The following WWP1 variants were observed in gnomAD, a reference collection of about 807,000 sequenced individuals.
The protein encoded by WWP1 is WW domain containing E3 ubiquitin protein ligase 1, also known as NEDD4-like E3 ubiquitin-protein ligase WWP1.
Under a neutral mutation model 130.6 loss-of-function variants are expected in WWP1, and 49 were observed. The observed-to-expected ratio is 0.38, with a 90% CI of 0.30 to 0.48. The LOEUF (loss-of-function observed/expected upper bound fraction) is 0.48. Among genes scored for constraint, WWP1 ranks in the 20% least tolerant of loss-of-function variants. The pLI, the probability that WWP1 is intolerant of heterozygous loss-of-function variation, is 0.99. For synonymous variants in WWP1, 332 were observed against 367.8 expected, an observed-to-expected ratio of 0.90 and a Z score of 1.11; for missense variants, 809 against 1,100.6, an observed-to-expected ratio of 0.74 and a Z score of 3.75.
At chr8:86,453,652 T>C (rs748037492) in intron 21 of WWP1, among the ~76,000 whole-genome samples, 1 of 152,182 alleles carries the variant, frequency 6.6e-6, no homozygotes, top group Non-Finnish European at 1.5e-5. Context: ...TACATTCCTA[T>C]TAAACATGTA....
intron 24 of WWP1, among the ~76,000 whole-genome samples, chr8:86,464,157 A>G (rs550381396): frequency 3.9e-5 from 6 of 152,318 alleles, no homozygotes; most frequent in African/African-American, 1.4e-4. Context: ...TTTCAAACCC[A>G]TATTGTGCAT....
At position 86,427,691 on chromosome 8, in the gene WWP1, T is replaced by C; in HGVS notation, c.1206T>C (p.His402=). 3 of 1,613,832 alleles carry C rather than the reference T, an allele frequency of 1.9e-6. No homozygotes were observed. Among genetic ancestry groups the C allele is most frequent in the Non-Finnish European group, 2.5e-6 (3 of 1,179,844 alleles). Residue 402 remains histidine, a synonymous_variant, in exon 11 of 25, where the codon CAT becomes CAC. Coordinates refer to ENST00000517970, the MANE Select transcript of WWP1 (RefSeq NM_007013.4). ...DDRRRVYYVD[H]NTRTTTWQRP... is the part of the protein sequence containing the mutation. ...GTAGAAGAGTTTATTATGTGGATCA[T>C]AACACCAGAACAACAACGTGGCAGC...
At chr8:86,363,321 A>AGCTGGTCT (rs1420239699) in intron 1 of WWP1, among the ~76,000 whole-genome samples, 2 of 152,158 alleles carry the variant, frequency 1.3e-5, no homozygotes, top group African/African-American at 4.8e-5. Flanking sequence ...TTTTAGGGAA[A>AGCTGGTCT]GCTGGTCTGC....
chr8:86,399,851 CTT>C (rs1310787152), intron 7 of WWP1, among the ~76,000 whole-genome samples: 2 of 152,150 alleles, frequency 1.3e-5, no homozygotes, highest in East Asian at 3.8e-4. Flanking sequence ...TCATTTCAGT[CTT>C]TACCTGCCCA....
At chr8:86,394,729 T>C (rs758142464) in intron 5 of WWP1, among the ~76,000 whole-genome samples, 3 of 152,142 alleles carry the variant, frequency 2.0e-5, no homozygotes, top group Non-Finnish European at 4.4e-5. Flanking sequence ...CACACACATA[T>C]ACAAACACAT....
At chr8:86,464,664 C>T (rs1030394261) in intron 24 of WWP1, among the ~76,000 whole-genome samples, 5 of 152,098 alleles carry the variant, frequency 3.3e-5, no homozygotes, top group South Asian at 2.1e-4. Flanking sequence ...CACCAGTGCA[C>T]GCCACTATGC....
Position 86,422,950 on chromosome 8 carries a change from C to T in WWP1, c.1062-2273C>T, listed in dbSNP as rs1431203462. 2.0e-5 allele frequency among the ~76,000 whole-genome samples: 3 copies of T among 151,888 alleles called. No homozygotes were observed. The East Asian group carries it at 5.8e-4, about 29-fold the overall frequency. On this transcript the variant is annotated intron_variant, in intron 9 of 24. Coordinates refer to ENST00000517970, the MANE Select transcript of WWP1 (RefSeq NM_007013.4). ...AGTATCACCACATATTTCTTTAAGG[C>T]GATTTCTGCTAAAAATCTTTTAGAT...
chr8:86,451,417 A>G (rs887729044), intron 20 of WWP1, among the ~76,000 whole-genome samples: 1 of 151,980 alleles, frequency 6.6e-6, no homozygotes, highest in Non-Finnish European at 1.5e-5. Flanking sequence ...AATTTGGTTG[A>G]ATAGAAGGTG....
intron 5 of WWP1, among the ~76,000 whole-genome samples, chr8:86,396,192 G>A (rs1358014161): frequency 6.6e-6 from 1 of 151,618 alleles, no homozygotes; most frequent in African/African-American, 2.4e-5. Context: ...TCCACCTCCC[G>A]AATTCAAGCA....
intron 24 of WWP1, among the ~76,000 whole-genome samples, chr8:86,465,488 T>C (rs1586532097): frequency 6.6e-6 from 1 of 151,326 alleles, no homozygotes; most frequent in Non-Finnish European, 1.5e-5. Context: ...TAGCTGGCCA[T>C]GGTGGCATGC....
intron 8 of WWP1, among the ~76,000 whole-genome samples, chr8:86,410,749 T>G (rs1808537654): frequency 6.6e-6 from 1 of 151,974 alleles, no homozygotes; most frequent in South Asian, 2.1e-4. Flanking sequence ...TAAGCTCTTT[T>G]GTTACCATTC....
chr8:86,450,566 A>G (rs1330558858), intron 20 of WWP1, among the ~76,000 whole-genome samples: 1 of 152,222 alleles, frequency 6.6e-6, no homozygotes, highest in Non-Finnish European at 1.5e-5. Context: ...TGTAAGATGT[A>G]TATTCACTTT....
At chr8:86,386,789 A>G (rs1825311600) in intron 5 of WWP1, 1 of 152,210 alleles carries the variant, frequency 6.6e-6, no homozygotes, top group Admixed American at 6.5e-5. Context: ...GTAACAAAAT[A>G]CCTGAGACTA....
chr8:86,379,184 T>G (rs867881501), intron 3 of WWP1, among the ~76,000 whole-genome samples: 4 of 152,156 alleles, frequency 2.6e-5, no homozygotes, highest in Admixed American at 2.0e-4. Context: ...AGAGAGCAAG[T>G]CTGGGCCTTC....
At chr8:86,422,422 C>A (rs1317915971) in intron 9 of WWP1, among the ~76,000 whole-genome samples, 2 of 151,384 alleles carry the variant, frequency 1.3e-5, no homozygotes, top group Non-Finnish European at 2.9e-5. Flanking sequence ...GAGTGCGGTG[C>A]AATCTTGGCT....
chr8:86,357,952 T>G (rs549337331), intron 1 of WWP1, among the ~76,000 whole-genome samples: 1 of 152,292 alleles, frequency 6.6e-6, no homozygotes, highest in South Asian at 2.1e-4. Context: ...GTCACAATGT[T>G]TCTGTGGGAA....
At chr8:86,413,754 G>A (rs1443718964) in intron 9 of WWP1, among the ~76,000 whole-genome samples, 1 of 152,218 alleles carries the variant, frequency 6.6e-6, no homozygotes, top group Non-Finnish European at 1.5e-5. Context: ...AGAGAAAACA[G>A]CCCTGTGAAG....
chr8:86,439,139 C>G (rs762929747), intron 17 of WWP1, among the ~76,000 whole-genome samples: 2 of 151,810 alleles, frequency 1.3e-5, no homozygotes, highest in Admixed American at 6.6e-5. Flanking sequence ...ATCAGGAGAT[C>G]GAGACCATCC....
intron 1 of WWP1, among the ~76,000 whole-genome samples, chr8:86,351,962 A>G (rs574467679): frequency 8.5e-5 from 13 of 152,084 alleles, no homozygotes; most frequent in African/African-American, 3.1e-4. Flanking sequence ...AACTGTTGGT[A>G]GAAACTGAAT....
Sources: gnomAD v4.1 joint callset for allele counts (sites outside exome capture counted in the v4.1 genomes callset) on GRCh38, gnomAD v4.1.1 for gene constraint, MANE v1.5 for transcripts, NCBI Gene and HGNC (gene_info 2026-07-23, HGNC 2026-07-21) for gene names.